Variants in SRBD1 observed in about 807,000 individuals in gnomAD.
The protein encoded by SRBD1 is S1 RNA binding domain 1, also known as S1 RNA-binding domain-containing protein 1.
A neutral mutation model predicts 115.3 loss-of-function variants in SRBD1; 88 were observed. The observed-to-expected ratio is 0.76, with a 90% CI of 0.64 to 0.91. The LOEUF is 0.91. SRBD1 is among the 40% of genes least tolerant of loss of function. The pLI, the probability that SRBD1 is intolerant of heterozygous loss-of-function variation, is 0.00. For missense variants in SRBD1, 1,385 were observed against 1,177.4 expected (o/e 1.18, Z -2.58); for synonymous variants, 509 against 407.7 (o/e 1.25, Z -2.99).
At chr2:45,566,428 T>C (rs2164409) in intron 9 of SRBD1, among the ~76,000 whole-genome samples, 88,764 of 152,070 alleles carry the variant, frequency 0.58, 27,466 homozygotes, top group Non-Finnish European at 0.71. Context: ...TCTGAAACCA[T>C]TATGCTAAGT....
intron 19 of SRBD1, among the ~76,000 whole-genome samples, chr2:45,406,987 G>T (rs2103843909): frequency 6.6e-6 from 1 of 152,020 alleles, no homozygotes. Flanking sequence ...AGACCATTAT[G>T]ATTTCATTAA....
intron 4 of SRBD1, among the ~76,000 whole-genome samples, chr2:45,591,225 T>C (rs182400559): frequency 1.1e-4 from 17 of 152,298 alleles, no homozygotes; most frequent in Admixed American, 1.1e-3. Context: ...ATGGATCAGA[T>C]GGCAACATGC....
intron 14 of SRBD1, among the ~76,000 whole-genome samples, chr2:45,488,845 T>A (rs760005803): frequency 6.6e-6 from 1 of 151,838 alleles, no homozygotes; most frequent in Non-Finnish European, 1.5e-5. Flanking sequence ...TGGTTATAAT[T>A]AACAACCACA....
chr2:45,414,747 T>TATATAC (rs1322333011), intron 18 of SRBD1, among the ~76,000 whole-genome samples: 5 of 111,958 alleles, frequency 4.5e-5, no homozygotes, highest in African/African-American at 2.3e-4. Flanking sequence ...ATATAGTATG[T>TATATAC]ACACACACAC....
In SRBD1 at chr2:45,484,148, T is replaced by A. The variant is rs182068433; in HGVS notation, c.1966+4092A>T. ...CCTAGTGTATTCTGGCATCTGTTTTTAATATTAATAGTAGAAGTTTTCATT... is the reference window on the plus strand; with the variant it reads ...CCTAGTGTATTCTGGCATCTGTTTTAAATATTAATAGTAGAAGTTTTCATT... On this transcript the variant is annotated intron_variant, in intron 15 of 20. Coordinates refer to ENST00000263736, the MANE Select transcript of SRBD1 (RefSeq NM_018079.5). Among the ~76,000 whole-genome samples the A allele has an allele frequency of 6.4e-3, 978 of 152,220 alleles. 8 individuals carry two copies. The highest frequency in any genetic ancestry group is 9.9e-3 in the Non-Finnish European group (671 of 67,994).
intron 3 of SRBD1, 121 bp from the exon 4 acceptor site, chr2:45,599,956 A>C: frequency 5.1e-6 from 6 of 1,186,994 alleles, no homozygotes; most frequent in Non-Finnish European, 6.9e-6. Flanking sequence ...AAGAATCTCA[A>C]GTAAATTATG....
intron 14 of SRBD1, among the ~76,000 whole-genome samples, chr2:45,541,640 G>A (rs1242353200): frequency 6.6e-6 from 1 of 152,258 alleles, no homozygotes; most frequent in Non-Finnish European, 1.5e-5. Flanking sequence ...GAGACCCACA[G>A]TGGGTAGCCC....
chr2:45,601,614 T>A (rs1392394067), intron 3 of SRBD1, among the ~76,000 whole-genome samples: 3 of 152,240 alleles, frequency 2.0e-5, no homozygotes, highest in African/African-American at 7.2e-5. Flanking sequence ...ATTAAGATCA[T>A]TTAAATGAAA....
Position 45,581,698 on chromosome 2 carries a change from G to A in SRBD1, c.928C>T (p.His310Tyr), listed in dbSNP as rs772358146. The change falls in exon 6 of 21, where the codon CAC (histidine) becomes TAC (tyrosine). Residue 310 changes from histidine (H) to tyrosine (Y), a missense_variant. Coordinates refer to ENST00000263736, the MANE Select transcript of SRBD1 (RefSeq NM_018079.5). The stretch of plus-strand genomic sequence containing the variant: ...AGATAAAAAGGATTCCTTACCACGT[G>A]TTCTAGTTCTTCAAAAGTTTTACAA... ...LNCKTFEELE[H>Y]VSAPYKTGSK... The A allele has an allele frequency of 1.2e-6, 2 of 1,611,078 alleles. No homozygotes were observed. Among genetic ancestry groups the A allele is most frequent in the African/African-American group, 2.7e-5 (2 of 74,764 alleles).
At chr2:45,498,830 C>CT (rs995253186) in intron 14 of SRBD1, among the ~76,000 whole-genome samples, 9 of 152,072 alleles carry the variant, frequency 5.9e-5, no homozygotes, top group Admixed American at 5.9e-4. Context: ...GGGTTTCATT[C>CT]TTTTTTTATG....
chr2:45,444,114 T>C (rs1452566914), intron 16 of SRBD1, among the ~76,000 whole-genome samples: 2 of 152,142 alleles, frequency 1.3e-5, no homozygotes, highest in East Asian at 3.8e-4. Flanking sequence ...AACATATTAA[T>C]ATTTATACTG....
chr2:45,556,812 T>C (rs929775892), intron 10 of SRBD1, among the ~76,000 whole-genome samples: 6 of 152,148 alleles, frequency 3.9e-5, no homozygotes, highest in African/African-American at 1.4e-4. Context: ...TGCTACTATT[T>C]CTTCATCAGT....
intron 16 of SRBD1, among the ~76,000 whole-genome samples, chr2:45,421,260 C>A (rs1667990571): frequency 6.6e-6 from 1 of 152,012 alleles, no homozygotes. Context: ...GTAATCTCAG[C>A]ACTTTGGGAG....
chr2:45,480,605 G>A (rs1158616314), intron 15 of SRBD1, among the ~76,000 whole-genome samples: 2 of 152,168 alleles, frequency 1.3e-5, no homozygotes, highest in Non-Finnish European at 2.9e-5. Flanking sequence ...TTAGGGACAA[G>A]CAAATAAAGT....
chr2:45,479,946 C>T (rs1214298351), intron 15 of SRBD1, among the ~76,000 whole-genome samples: 2 of 152,048 alleles, frequency 1.3e-5, no homozygotes, highest in African/African-American at 4.8e-5. Flanking sequence ...TCTGAAAATC[C>T]TTGGGTTCTT....
At chr2:45,515,240 C>T (rs746178936) in intron 14 of SRBD1, among the ~76,000 whole-genome samples, 7 of 152,168 alleles carry the variant, frequency 4.6e-5, no homozygotes, top group Non-Finnish European at 8.8e-5. Flanking sequence ...TGTTATCCTA[C>T]ATGTGTATTA....
chr2:45,502,895 A>G (rs1004376309), intron 14 of SRBD1, among the ~76,000 whole-genome samples: 26 of 152,090 alleles, frequency 1.7e-4, no homozygotes, highest in African/African-American at 6.3e-4. Context: ...TCACAGCTCA[A>G]TGCAGCCCCA....
intron 16 of SRBD1, among the ~76,000 whole-genome samples, chr2:45,461,783 T>C (rs1330948439): frequency 6.6e-6 from 1 of 152,204 alleles, no homozygotes; most frequent in Non-Finnish European, 1.5e-5. Flanking sequence ...CCTTGACTCT[T>C]ATTTGACTTC....
At chr2:45,592,026 G>T (rs1382743101) in intron 4 of SRBD1, among the ~76,000 whole-genome samples, 2 of 152,148 alleles carry the variant, frequency 1.3e-5, no homozygotes, top group Non-Finnish European at 2.9e-5. Flanking sequence ...ATGGGGGCCA[G>T]TCTCTCCTGT....
Sources: gnomAD v4.1 joint callset for allele counts (sites outside exome capture counted in the v4.1 genomes callset) on GRCh38, gnomAD v4.1.1 for gene constraint, MANE v1.5 for transcripts, NCBI Gene and HGNC (gene_info 2026-07-23, HGNC 2026-07-21) for gene names.